NOTCH2: variants seen among roughly 807,000 people sequenced by gnomAD.
NOTCH2 encodes notch receptor 2, also known as neurogenic locus notch homolog protein 2.
NOTCH2 carries 29 observed loss-of-function variants against 235.8 expected under a neutral mutation model. That is an observed-to-expected ratio of 0.12 (90% CI 0.09 to 0.17). The LOEUF (loss-of-function observed/expected upper bound fraction) is 0.17, where lower values mean the gene tolerates loss of function less well. Among genes scored for constraint, NOTCH2 ranks in the 10% least tolerant of loss-of-function variants. NOTCH2 has a pLI of 1.00. For missense variants in NOTCH2, 2,285 were observed against 3,150.2 expected, an observed-to-expected ratio of 0.73 and a Z score of 6.57; for synonymous variants, 1,086 against 1,141.5, an observed-to-expected ratio of 0.95 and a Z score of 0.98.
chr1:120,002,278 G>C lies in NOTCH2; in HGVS notation c.415+3051C>G, dbSNP rs2793917. ...GGGTTCCTACCTTTAAGTAAACAGGGTAAGAAAGGCGTTACAGTGTTGGCT... is the reference window on the plus strand; with the variant it reads ...GGGTTCCTACCTTTAAGTAAACAGGCTAAGAAAGGCGTTACAGTGTTGGCT... On this transcript the variant is annotated intron_variant, in intron 3 of 33. Transcript: ENST00000256646. Among the ~76,000 whole-genome samples, 209 of 149,622 alleles carry C rather than the reference G, an allele frequency of 1.4e-3. 1 individual carries two copies. Among genetic ancestry groups the C allele is most frequent in the Non-Finnish European group, 1.6e-3 (110 of 66,980 alleles).
At chr1:119,984,986 A>G (rs1310399532) in intron 5 of NOTCH2, among the ~76,000 whole-genome samples, 1 of 152,122 alleles carries the variant, frequency 6.6e-6, no homozygotes, top group Non-Finnish European at 1.5e-5. Context: ...CCCTAGAGAA[A>G]AGGAATGGTG....
At chr1:119,946,817 T>C (rs1553197084) in intron 17 of NOTCH2, among the ~76,000 whole-genome samples, 3 of 151,996 alleles carry the variant, frequency 2.0e-5, no homozygotes, top group African/African-American at 4.8e-5. Flanking sequence ...CTTAGTACAA[T>C]AATACTAAAA....
chr1:120,069,493 C>T lies in NOTCH2; in HGVS notation c.-87G>A, dbSNP rs1655680458. 2.1e-5 allele frequency: 31 copies of T among 1,470,744 alleles called. No homozygotes were observed. The highest frequency in any genetic ancestry group is 2.8e-5 in the Non-Finnish European group (31 of 1,122,424). The allele number at this position is 1,470,744 out of a possible 1,614,324, so 91.1% of individuals were successfully genotyped here. ...GGGGTCCCGATAGAGGAGCCCCACTCTCTCCTCCCCTCCTCCTGCTTCAAA... is the reference window on the plus strand; with the variant it reads ...GGGGTCCCGATAGAGGAGCCCCACTTTCTCCTCCCCTCCTCCTGCTTCAAA... On this transcript the variant is annotated 5_prime_UTR_variant, in exon 1 of 34. Transcript: ENST00000256646.
rs1648931018 is a variant in NOTCH2 at position 119,912,674 on chromosome 1, G to A, written c.*2632C>T. 1 of 233,026 alleles carries A rather than the reference G, an allele frequency of 4.3e-6. No individual in the cohort carries two copies. The highest frequency in any genetic ancestry group is 8.5e-6 in the Non-Finnish European group (1 of 117,974). The allele number at this position is 233,026 out of a possible 1,614,324, so 14.4% of individuals were successfully genotyped here. On this transcript the variant is annotated 3_prime_UTR_variant, in exon 34 of 34. Coordinates refer to ENST00000256646, the MANE Select transcript of NOTCH2 (RefSeq NM_024408.4). Reference sequence around the variant, plus strand: ...ATAAAAATAAACCAAAAATAGCAGGGGAGGATCTATACATGGCATAAAAGA... The same window carrying A: ...ATAAAAATAAACCAAAAATAGCAGGAGAGGATCTATACATGGCATAAAAGA...
intron 7 of NOTCH2, 94 bp downstream of exon 7, chr1:119,967,983 T>C: frequency 5.7e-6 from 8 of 1,395,706 alleles, no homozygotes; most frequent in Non-Finnish European, 7.1e-6. Flanking sequence ...TTTGGGTGTA[T>C]GTAATTTGCT....
At chr1:119,966,152 T>C (rs1651126194) in intron 9 of NOTCH2, among the ~76,000 whole-genome samples, 1 of 152,210 alleles carries the variant, frequency 6.6e-6, no homozygotes, top group Non-Finnish European at 1.5e-5. Context: ...GAAGAGGTCA[T>C]GGGCCATTCA....
chr1:119,929,139 A>G lies in NOTCH2; in HGVS notation c.3729T>C (p.Asp1243=). Residue 1243 remains aspartate (D), a synonymous_variant, in exon 23 of 34, where the codon GAT becomes GAC. Coordinates refer to ENST00000256646, the MANE Select transcript of NOTCH2 (RefSeq NM_024408.4). ...AGCGACAACTGTAGCCTCCAATCCT[A>G]TCCATGCACTGACCACCATTAAGGC... ...PHCLNGGQCM[D]RIGGYSCRCL... 1 of 1,614,188 alleles carries G rather than the reference A, an allele frequency of 6.2e-7. No individual in the cohort carries two copies. The highest frequency in any genetic ancestry group is 1.1e-5 in the South Asian group (1 of 91,074).
chr1:120,015,188 T>A (rs1233717043), intron 2 of NOTCH2, among the ~76,000 whole-genome samples: 1 of 152,190 alleles, frequency 6.6e-6, no homozygotes, highest in Non-Finnish European at 1.5e-5. Flanking sequence ...GTGGGTTGCG[T>A]CGGCACTGCA....
At chr1:119,974,694 A>AT (rs1160279723) in intron 5 of NOTCH2, among the ~76,000 whole-genome samples, 1 of 151,970 alleles carries the variant, frequency 6.6e-6, no homozygotes, top group Non-Finnish European at 1.5e-5. Flanking sequence ...CACCTGAAAC[A>AT]TTTTTTCCCT....
At chr1:120,009,826 T>C (rs1653114986) in intron 2 of NOTCH2, among the ~76,000 whole-genome samples, 2 of 149,846 alleles carry the variant, frequency 1.3e-5, no homozygotes, top group African/African-American at 5.0e-5. Context: ...TTCTTCCCCA[T>C]CTATTATGGC....
At chr1:120,004,961 GT>G (rs587773937) in intron 3 of NOTCH2, among the ~76,000 whole-genome samples, 4 of 152,164 alleles carry the variant, frequency 2.6e-5, no homozygotes, top group African/African-American at 7.2e-5. Context: ...TTTTATTCTT[GT>G]TTTTTTGTAG....
chr1:119,986,059 G>T (rs1652007984), intron 5 of NOTCH2, among the ~76,000 whole-genome samples: 1 of 152,154 alleles, frequency 6.6e-6, no homozygotes, highest in Non-Finnish European at 1.5e-5. Context: ...TACAGATAAG[G>T]AAAAGTAATT....
At chr1:119,950,972 GTTCA>G in intron 14 of NOTCH2, 135 bp from the exon 15 acceptor site, 1 of 711,532 alleles carries the variant, frequency 1.4e-6, no homozygotes, top group Non-Finnish European at 2.6e-6. Context: ...TGAAATACCT[GTTCA>G]TTCATTTCAG....
rs587711891 is a variant in NOTCH2, at chr1:119,926,452, T to G, written c.4005+47A>C. The G allele has an allele frequency of 5.3e-6, 7 of 1,318,694 alleles. No homozygotes were observed. The Admixed American group carries it at 5.7e-5, about 11-fold the overall frequency. The allele number at this position is 1,318,694 out of a possible 1,614,324, so 81.7% of individuals were successfully genotyped here. A position where few individuals can be genotyped will look rare whatever the true frequency, so the allele number is the denominator to read the frequency against. On this transcript the variant is annotated intron_variant, in intron 24 of 33. Transcript: ENST00000256646. ...TAATCTCAGTTCTGTTCACAGATTG[T>G]ATGGAAGAGACAATGCCCCTTCTTA...
In NOTCH2 at chr1:119,966,442, T is replaced by G. The variant is rs1553199685; in HGVS notation, c.1501A>C (p.Asn501His). The change falls in exon 9 of 34, where the codon AAC (asparagine) becomes CAC (histidine). Residue 501 changes from asparagine to histidine, a missense_variant. Asn to His is a moderately conservative substitution (Grantham distance 68). Transcript: ENST00000256646. ...CELEINECQS[N>H]PCVNNGQCVD... ...CACTGCCCATTGTTCACACAAGGGT[T>G]GCTCTGACATTCATTTATTTCTAAT... 6.2e-7 allele frequency: 1 copy of G among 1,614,060 alleles called. No homozygotes were observed. The highest frequency in any genetic ancestry group is 8.5e-7 in the Non-Finnish European group (1 of 1,179,926).
At position 120,012,289 on chromosome 1, in the gene NOTCH2, G is replaced by A. The variant is rs2691758; in HGVS notation, c.156-6701C>T. On this transcript the variant is annotated intron_variant, in intron 2 of 33. Transcript: ENST00000256646. Reference sequence around the variant, plus strand: ...TTTCAGAGTAAGTTCTTAAACTGAGGAGGCATCGTGAGAGCGCAGTTCAAG... The same window carrying A: ...TTTCAGAGTAAGTTCTTAAACTGAGAAGGCATCGTGAGAGCGCAGTTCAAG... Among the ~76,000 whole-genome samples the A allele has an allele frequency of 9.0e-3, 1,262 of 140,982 alleles. 4 individuals are homozygous for A. Among genetic ancestry groups the A allele is most frequent in the Non-Finnish European group, 0.014 (887 of 65,128 alleles). 92.5% of individuals were successfully genotyped at this position (140,982 alleles called of 152,430 possible).
At position 120,005,579 on chromosome 1, in the gene NOTCH2, T is replaced by C. The variant is rs782577462; in HGVS notation, c.165A>G (p.Glu55=). The change falls in exon 3 of 34, where the codon GAA becomes GAG. Residue 55 remains glutamate, a synonymous_variant. Coordinates refer to ENST00000256646, the MANE Select transcript of NOTCH2 (RefSeq NM_024408.4). ...HNGTGYCKCP[E]GFLGEYCQHR... ...GTTGACAATATTCCCCCAAGAAGCC[T>C]TCTGGACATCTGTATGGAAAAGAGA... The C allele has an allele frequency of 9.0e-6, 14 of 1,563,698 alleles. No individual in the cohort carries two copies. Among genetic ancestry groups the C allele is most frequent in the Non-Finnish European group, 8.8e-7 (1 of 1,139,884 alleles).
chr1:119,964,985 A>T (rs1651081038), intron 10 of NOTCH2, among the ~76,000 whole-genome samples: 1 of 152,218 alleles, frequency 6.6e-6, no homozygotes, highest in Non-Finnish European at 1.5e-5. Flanking sequence ...TGTCATTTAC[A>T]CACTTGACTC....
At position 119,937,349 on chromosome 1, in the gene NOTCH2, T is replaced by G. The variant is rs782579531; in HGVS notation, c.3455A>C (p.Glu1152Ala). ...GTGCTGGCAGGGGTTGGACGCACAC[T>G]CATCGAGTTGCTCCTCACAGTAGCT... ...TGSYCEEQLD[E>A]CASNPCQHGA... The change falls in exon 21 of 34, where the codon GAG becomes GCG. Residue 1152 changes from glutamate to alanine, a missense_variant. Glu to Ala is a moderately radical substitution (Grantham distance 107). Transcript: ENST00000256646. 6.2e-7 allele frequency: 1 copy of G among 1,614,138 alleles called. No homozygotes were observed.
Sources: allele counts gnomAD v4.1 joint callset (sites outside exome capture counted in the v4.1 genomes callset), GRCh38; gene constraint gnomAD v4.1.1; transcripts MANE v1.5; gene names NCBI Gene and HGNC (gene_info 2026-07-23, HGNC 2026-07-21).